Variants in RGS6 observed in about 807,000 individuals in gnomAD.
RGS6 encodes regulator of G protein signaling 6, also known as regulator of G-protein signaling 6.
RGS6 carries 30 observed loss-of-function variants against 78.5 expected under a neutral mutation model. The observed-to-expected ratio is 0.38, with a 90% CI of 0.29 to 0.52. RGS6 has a LOEUF of 0.52. Among genes scored for constraint, RGS6 ranks in the 20% least tolerant of loss-of-function variants. The pLI is 0.85. For missense variants in RGS6, 495 were observed against 609.7 expected (o/e 0.81, Z 1.98); for synonymous variants, 206 against 206.0 (o/e 1.00, Z 0.00).
chr14:72,070,530 C>A (rs1361385513), intron 2 of RGS6, among the ~76,000 whole-genome samples: 2 of 152,150 alleles, frequency 1.3e-5, no homozygotes, highest in Non-Finnish European at 2.9e-5. Flanking sequence ...ACTTACTGTT[C>A]CTGGTGTTGG....
chr14:72,216,462 C>G (rs183939804), intron 2 of RGS6, among the ~76,000 whole-genome samples: 2 of 152,172 alleles, frequency 1.3e-5, no homozygotes, highest in South Asian at 4.1e-4. Flanking sequence ...AATTATCAGT[C>G]TTGTTACTAA....
At chr14:72,278,193 T>C (rs2060997402) in intron 2 of RGS6, among the ~76,000 whole-genome samples, 1 of 152,210 alleles carries the variant, frequency 6.6e-6, no homozygotes. Context: ...CAAACATGTA[T>C]TATGAATCTC....
chr14:72,388,440 T>C (rs1010024188), intron 3 of RGS6, among the ~76,000 whole-genome samples: 1 of 152,192 alleles, frequency 6.6e-6, no homozygotes, highest in Non-Finnish European at 1.5e-5. Context: ...AATACAGCCA[T>C]CATACACAGC....
intron 3 of RGS6, among the ~76,000 whole-genome samples, chr14:72,416,338 A>T (rs1049935971): frequency 1.3e-5 from 2 of 152,200 alleles, no homozygotes; most frequent in African/African-American, 2.4e-5. Context: ...AAGTTAATAA[A>T]GATGGGTCTC....
At chr14:72,153,774 C>T (rs905166254) in intron 2 of RGS6, among the ~76,000 whole-genome samples, 5 of 152,110 alleles carry the variant, frequency 3.3e-5, no homozygotes, top group Non-Finnish European at 7.4e-5. Flanking sequence ...AAAGGTAGAA[C>T]AAAGATCATA....
intron 2 of RGS6, among the ~76,000 whole-genome samples, chr14:72,053,125 CTTCCTTTCTTTT>C (rs2093428478): frequency 9.0e-6 from 1 of 110,568 alleles, no homozygotes; most frequent in East Asian, 2.7e-4. Context: ...TCCTTCCTTC[CTTCCTTTCTTTT>C]TTTGATGGAG....
the RGS6 span, chr14:72,594,203 T>G: frequency 6.6e-6 from 1 of 152,160 alleles, no homozygotes; most frequent in Non-Finnish European, 1.5e-5. Context: ...GTCCAACAAC[T>G]CAAACATAGT....
chr14:72,340,722 A>T (rs750590731), intron 2 of RGS6, among the ~76,000 whole-genome samples: 4 of 152,120 alleles, frequency 2.6e-5, no homozygotes, highest in Non-Finnish European at 5.9e-5. Context: ...CTGAAAATGC[A>T]CTTCTCTCCA....
At chr14:72,269,146 C>G (rs966918849) in intron 2 of RGS6, among the ~76,000 whole-genome samples, 1 of 6,158 alleles carries the variant, frequency 1.6e-4, no homozygotes, top group African/African-American at 3.6e-4. Flanking sequence ...CCCCCCACCA[C>G]CCACCTTGCT....
At chr14:71,939,036 A>ATAGCAGCCT (rs2090053070) in intron 1 of RGS6, among the ~76,000 whole-genome samples, 1 of 152,224 alleles carries the variant, frequency 6.6e-6, no homozygotes, top group African/African-American at 2.4e-5. Flanking sequence ...AGCAGCTTGC[A>ATAGCAGCCT]TAGCAGCCTG....
chr14:72,239,267 A>G (rs1215437321), intron 2 of RGS6, among the ~76,000 whole-genome samples: 1 of 152,108 alleles, frequency 6.6e-6, no homozygotes, highest in Non-Finnish European at 1.5e-5. Context: ...GTGTTTAGGA[A>G]GTTGTATGCA....
chr14:72,588,358 G>C, the RGS6 span, among the ~76,000 whole-genome samples: 8 of 152,196 alleles, frequency 5.3e-5, 1 homozygote, highest in Admixed American at 4.6e-4. Flanking sequence ...GAGCTCGTGA[G>C]AGACGCCTCT....
chr14:72,609,426 A>T, the RGS6 span, among the ~76,000 whole-genome samples: 214 of 152,238 alleles, frequency 1.4e-3, 2 homozygotes, highest in Middle Eastern at 0.014. Context: ...TCTCCTGGAG[A>T]TTGTCACAAT....
chr14:72,447,464 T>A (rs1293451371), intron 3 of RGS6, among the ~76,000 whole-genome samples: 1 of 152,150 alleles, frequency 6.6e-6, no homozygotes, highest in East Asian at 1.9e-4. Context: ...GAAGACATTT[T>A]GAGTTTCTCT....
intron 2 of RGS6, among the ~76,000 whole-genome samples, chr14:72,311,427 T>A (rs1159643758): frequency 6.6e-6 from 1 of 152,142 alleles, no homozygotes; most frequent in Non-Finnish European, 1.5e-5. Context: ...ATTGTTAATG[T>A]TTAATGCACT....
At chr14:72,447,664 C>G (rs1289480309) in intron 3 of RGS6, among the ~76,000 whole-genome samples, 1 of 152,108 alleles carries the variant, frequency 6.6e-6, no homozygotes, top group Non-Finnish European at 1.5e-5. Flanking sequence ...GGGTTCATTA[C>G]CCCTCACAGT....
intron 3 of RGS6, among the ~76,000 whole-genome samples, chr14:72,425,088 G>A (rs546002562): frequency 6.6e-6 from 1 of 152,322 alleles, no homozygotes; most frequent in African/African-American, 2.4e-5. Flanking sequence ...AATATTGCGA[G>A]CATAATACCA....
chr14:71,899,970 C>T, the RGS6 span, among the ~76,000 whole-genome samples: 65 of 152,222 alleles, frequency 4.3e-4, no homozygotes, highest in Non-Finnish European at 7.1e-4. Flanking sequence ...AGGACATTAA[C>T]TCAACTTAAA....
intron 2 of RGS6, among the ~76,000 whole-genome samples, chr14:72,151,511 C>T (rs561739974): frequency 1.3e-4 from 20 of 152,254 alleles, no homozygotes; most frequent in African/African-American, 3.6e-4. Flanking sequence ...ATGCACTTCA[C>T]GTGAAGACTA....
Sources: allele counts gnomAD v4.1 joint callset (sites outside exome capture counted in the v4.1 genomes callset), GRCh38; gene constraint gnomAD v4.1.1; transcripts MANE v1.5; gene names NCBI Gene and HGNC (gene_info 2026-07-23, HGNC 2026-07-21).